Variants in ERGIC1 observed in about 807,000 individuals in gnomAD.
The protein encoded by ERGIC1 is endoplasmic reticulum-Golgi intermediate compartment protein 1.
Under a neutral mutation model 38.3 loss-of-function variants are expected in ERGIC1, and 19 were observed. The observed-to-expected ratio is 0.50, with a 90% confidence interval of 0.35 to 0.73. ERGIC1 has a LOEUF of 0.73. Ranked by LOEUF, ERGIC1 falls within the 30% of genes least tolerant of loss-of-function variation. The pLI, the probability that ERGIC1 is intolerant of heterozygous loss-of-function variation, is 0.01. For synonymous variants in ERGIC1, 124 were observed against 157.6 expected (o/e 0.79, Z 1.60); for missense variants, 294 against 389.2 (o/e 0.76, Z 2.06).
chr5:172,894,090 T>TA (rs1162541209), intron 2 of ERGIC1, among the ~76,000 whole-genome samples: 44 of 138,644 alleles, frequency 3.2e-4, no homozygotes, highest in Non-Finnish European at 1.7e-4. Flanking sequence ...TTTTTTTCTT[T>TA]AAAAAATTTT....
rs1561730872 is a variant in ERGIC1, at chr5:172,909,778, G to A, written c.250+17G>A. 3.1e-6 allele frequency: 5 copies of A among 1,609,810 alleles called. No homozygotes were observed. The East Asian group carries it at 1.1e-4, about 36-fold the overall frequency. ...ACTGCGAGTGTGAGTACTCCACGCAGCCCCTCCCTCCAGCAGGACACCTCC... is the reference window on the plus strand; with the variant it reads ...ACTGCGAGTGTGAGTACTCCACGCAACCCCTCCCTCCAGCAGGACACCTCC... On this transcript the variant is annotated intron_variant, in intron 4 of 9. Transcript: ENST00000393784.
chr5:172,921,972 C>T (rs969313017), intron 5 of ERGIC1, among the ~76,000 whole-genome samples: 2 of 152,272 alleles, frequency 1.3e-5, no homozygotes, highest in Non-Finnish European at 2.9e-5. Flanking sequence ...CTGTAACCCC[C>T]ATGGTCTGCA....
intron 5 of ERGIC1, chr5:172,915,190 G>T: frequency 3.3e-6 from 2 of 614,864 alleles, no homozygotes; most frequent in South Asian, 1.9e-5. Flanking sequence ...TTAGGCTGAG[G>T]GTGTGATGGC....
chr5:172,908,315 G>GCGGC (rs1220727272), intron 3 of ERGIC1, among the ~76,000 whole-genome samples: 1 of 8,360 alleles, frequency 1.2e-4, no homozygotes, highest in Admixed American at 8.8e-4. Context: ...GCGGGGGGGG[G>GCGGC]GGGAGAGAGG....
At chr5:172,851,215 A>T (rs1280976920) in intron 1 of ERGIC1, among the ~76,000 whole-genome samples, 45 of 150,462 alleles carry the variant, frequency 3.0e-4, no homozygotes, top group Non-Finnish European at 4.9e-4. Context: ...AAAAAAAAAA[A>T]AAAAATTAAA....
At chr5:172,911,115 C>T (rs1317455973) in intron 4 of ERGIC1, among the ~76,000 whole-genome samples, 2 of 152,106 alleles carry the variant, frequency 1.3e-5, no homozygotes, top group Non-Finnish European at 2.9e-5. Context: ...GCCCTTCTCT[C>T]CCCACCCCCT....
At chr5:172,921,315 G>A (rs925179697) in intron 5 of ERGIC1, among the ~76,000 whole-genome samples, 3 of 152,222 alleles carry the variant, frequency 2.0e-5, no homozygotes, top group Non-Finnish European at 2.9e-5. Flanking sequence ...GCTGTCCCTC[G>A]AGGGAGATCT....
At position 172,862,467 on chromosome 5, in the gene ERGIC1, G is replaced by A. The variant is rs112232828; in HGVS notation, c.21-26232G>A. On this transcript the variant is annotated intron_variant, in intron 1 of 9. Transcript: ENST00000393784. ...CCCAGTGGTGAGGATGGCAATGGTG[G>A]TGAGCACTCCCGAGCACAAAGGTGG... Among the ~76,000 whole-genome samples, 1,042 of 152,140 alleles carry A rather than the reference G, an allele frequency of 6.8e-3. 3 individuals are homozygous for A. The highest frequency in any genetic ancestry group is 1.0e-2 in the South Asian group (48 of 4,812).
At position 172,926,373 on chromosome 5, in the gene ERGIC1, C is replaced by A. The variant is rs1581580417; in HGVS notation, c.481-136C>A. On this transcript the variant is annotated intron_variant, in intron 6 of 9. Coordinates refer to ENST00000393784, the MANE Select transcript of ERGIC1 (RefSeq NM_001031711.3). This position sits in a 1 kb window ranked among gnomAD's most constrained non-coding sequence, Gnocchi z 5.2. Reference sequence around the variant, plus strand: ...GGCCCCTGCTGCCTCTTGCTCCCCACAAATCCGCTGGAGCCCCCTTTTACA... The same window carrying A: ...GGCCCCTGCTGCCTCTTGCTCCCCAAAAATCCGCTGGAGCCCCCTTTTACA... 20 of 881,506 alleles carry A rather than the reference C, an allele frequency of 2.3e-5. No individual in the cohort carries two copies. The East Asian group carries it at 4.9e-4, about 22-fold the overall frequency. 54.6% of individuals were successfully genotyped at this position (881,506 alleles called of 1,614,324 possible).
At chr5:172,886,208 G>A (rs12652763) in intron 1 of ERGIC1, among the ~76,000 whole-genome samples, 49,221 of 151,736 alleles carry the variant, frequency 0.32, 8,045 homozygotes, top group African/African-American at 0.37. Context: ...CCAGTTTTCC[G>A]TCCTCCTCTC....
At chr5:172,892,151 A>T (rs1319231687) in intron 2 of ERGIC1, among the ~76,000 whole-genome samples, 1 of 148,952 alleles carries the variant, frequency 6.7e-6, no homozygotes, top group Non-Finnish European at 1.5e-5. Context: ...TTTCAGCCAC[A>T]GCACAGGAGA....
chr5:172,883,115 A>G (rs887785660), intron 1 of ERGIC1, among the ~76,000 whole-genome samples: 45 of 152,062 alleles, frequency 3.0e-4, no homozygotes, highest in African/African-American at 1.1e-3. Flanking sequence ...TCTGTCTTTC[A>G]TGTTTTTTTA....
intron 1 of ERGIC1, among the ~76,000 whole-genome samples, chr5:172,859,416 T>G (rs566330180): frequency 6.6e-6 from 1 of 151,802 alleles, no homozygotes; most frequent in Non-Finnish European, 1.5e-5. Flanking sequence ...CCTTCCCAGC[T>G]GACGGAAAAG....
intron 1 of ERGIC1, among the ~76,000 whole-genome samples, chr5:172,860,745 A>G (rs1288933904): frequency 6.6e-6 from 1 of 152,242 alleles, no homozygotes; most frequent in East Asian, 1.9e-4. Context: ...TTGGAGCTGC[A>G]GATCCATGGT....
At chr5:172,904,950 C>T (rs1762979836) in intron 3 of ERGIC1, among the ~76,000 whole-genome samples, 1 of 152,212 alleles carries the variant, frequency 6.6e-6, no homozygotes, top group Admixed American at 6.5e-5. Flanking sequence ...GCACCGCAGC[C>T]CCCTTGTTCT....
At chr5:172,918,982 T>A (rs1763445209) in intron 5 of ERGIC1, among the ~76,000 whole-genome samples, 1 of 152,060 alleles carries the variant, frequency 6.6e-6, no homozygotes, top group Non-Finnish European at 1.5e-5. Context: ...GCCTCCTCCT[T>A]GACTTGGCCT....
chr5:172,888,940 A>G (rs1762489620), intron 2 of ERGIC1, among the ~76,000 whole-genome samples, 180 bp downstream of exon 2: 1 of 152,198 alleles, frequency 6.6e-6, no homozygotes, highest in South Asian at 2.1e-4. Flanking sequence ...TCCTCACTGT[A>G]ACCCCTCAAG....
chr5:172,918,569 A>G (rs562774371), intron 5 of ERGIC1, among the ~76,000 whole-genome samples: 93 of 152,370 alleles, frequency 6.1e-4, no homozygotes, highest in African/African-American at 2.1e-3. Context: ...ATAGATATCA[A>G]AGAGCAGGGC....
In ERGIC1 at chr5:172,877,440, G is replaced by GTA. The variant is rs1278756445; in HGVS notation, c.21-11241_21-11240dup. Among the ~76,000 whole-genome samples, 165 of 67,372 alleles carry GTA rather than the reference G, an allele frequency of 2.4e-3. 1 individual carries two copies. The highest frequency in any genetic ancestry group is 9.8e-3 in the Middle Eastern group (1 of 102). 44.2% of individuals were successfully genotyped at this position (67,372 alleles called of 152,430 possible). On this transcript the variant is annotated intron_variant, in intron 1 of 9. Coordinates refer to ENST00000393784, the MANE Select transcript of ERGIC1 (RefSeq NM_001031711.3). ...TGTGTGTGTGTGTGTGTGTGTGTGTGTATATATATATATATATATTTTTTT... is the reference window on the plus strand; with the variant it reads ...TGTGTGTGTGTGTGTGTGTGTGTGTGTATATATATATATATATATATTTTTTT...
Sources: allele counts gnomAD v4.1 joint callset (sites outside exome capture counted in the v4.1 genomes callset), GRCh38; gene constraint gnomAD v4.1.1; non-coding constraint Gnocchi (gnomAD v3.1); transcripts MANE v1.5; gene names NCBI Gene and HGNC (gene_info 2026-07-23, HGNC 2026-07-21).